Variants in GALNT14 observed in about 807,000 individuals in gnomAD.
GALNT14 encodes polypeptide N-acetylgalactosaminyltransferase 14.
GALNT14 carries 60 observed loss-of-function variants against 77.5 expected under a neutral mutation model. The ratio of observed to expected loss-of-function variants is 0.77; its 90% CI spans 0.63 to 0.96. The LOEUF (loss-of-function observed/expected upper bound fraction) is 0.96, where lower values mean the gene tolerates loss of function less well. Ranked by LOEUF, GALNT14 falls within the 40% of genes least tolerant of loss-of-function variation. The pLI, the probability that GALNT14 is intolerant of heterozygous loss-of-function variation, is 0.00. For missense variants in GALNT14, 710 were observed against 731.0 expected (o/e 0.97, Z 0.33); for synonymous variants, 280 against 281.7 (o/e 0.99, Z 0.06).
At chr2:30,931,527 G>T (rs1665726306) in intron 10 of GALNT14, among the ~76,000 whole-genome samples, 1 of 152,136 alleles carries the variant, frequency 6.6e-6, no homozygotes, top group South Asian at 2.1e-4. Flanking sequence ...CCCCAGACAG[G>T]AGGAGAGCAC....
intron 1 of GALNT14, chr2:31,073,194 A>T (rs1353972233): frequency 6.6e-6 from 1 of 152,208 alleles, no homozygotes; most frequent in Non-Finnish European, 1.5e-5. Flanking sequence ...TGGGAATATG[A>T]AAAGGGACTC....
intron 10 of GALNT14, among the ~76,000 whole-genome samples, chr2:30,930,288 A>C (rs952039669): frequency 6.6e-6 from 1 of 152,200 alleles, no homozygotes; most frequent in Non-Finnish European, 1.5e-5. Flanking sequence ...CCTTTACCAC[A>C]GTGGAAGTAC....
chr2:30,945,801 C>T lies in GALNT14; in HGVS notation c.724G>A (p.Ala242Thr). ...AACTCACCCCCTCTGAGCTCCGAGG[C>T]AGACTCGATGTAGGTGAAGGTGTCC... Reference protein sequence around the residue: ...NLDTFTYIESASELRGGFDWS... With the variant: ...NLDTFTYIESTSELRGGFDWS... The change falls in exon 7 of 15, where the codon GCC becomes ACC. Residue 242 changes from alanine to threonine, a missense_variant. Transcript: ENST00000349752. 6.2e-7 allele frequency: 1 copy of T among 1,614,144 alleles called. No individual in the cohort carries two copies. The highest frequency in any genetic ancestry group is 8.5e-7 in the Non-Finnish European group (1 of 1,179,976).
At chr2:31,083,494 A>C (rs1676259164) in intron 1 of GALNT14, among the ~76,000 whole-genome samples, 1 of 152,126 alleles carries the variant, frequency 6.6e-6, no homozygotes, top group Admixed American at 6.6e-5. Context: ...GAAGAGGAGG[A>C]GGGTGAGGAA....
intron 1 of GALNT14, among the ~76,000 whole-genome samples, chr2:31,027,430 A>AT (rs1348363802): frequency 3.6e-5 from 5 of 139,778 alleles, no homozygotes; most frequent in African/African-American, 1.6e-4. Context: ...AACAAAGCAA[A>AT]AAAAAAAAAA....
chr2:30,992,797 T>C (rs760547878), intron 2 of GALNT14, 41 bp downstream of exon 2: 46 of 1,601,872 alleles, frequency 2.9e-5, no homozygotes, highest in Non-Finnish European at 3.9e-5. Context: ...GTTGATCTCT[T>C]TTGACTGCGG....
chr2:31,115,083 C>T (rs1391522340), intron 1 of GALNT14, among the ~76,000 whole-genome samples: 2 of 151,774 alleles, frequency 1.3e-5, no homozygotes, highest in African/African-American at 2.4e-5. Context: ...CCCATCTCTA[C>T]TAAATAAATA....
rs201313795 is a variant in GALNT14, at chr2:30,924,737, T to A, written c.1235+3A>T. The stretch of plus-strand genomic sequence containing the variant: ...CCAAAGCTCCAACAGGTAGGACGGA[T>A]ACCTGAGTTCAGGGTAGATATTCTC... On this transcript the variant is annotated splice_donor_region_variant and intron_variant, in intron 12 of 14. Transcript: ENST00000349752. 6.2e-7 allele frequency: 1 copy of A among 1,613,572 alleles called. No individual in the cohort carries two copies.
intron 1 of GALNT14, among the ~76,000 whole-genome samples, chr2:31,074,397 T>C (rs2148570762): frequency 8.6e-6 from 1 of 116,736 alleles, no homozygotes; most frequent in Middle Eastern, 4.7e-3. Flanking sequence ...CCCCCGTGCA[T>C]CTTTGGGGGA....
intron 9 of GALNT14, among the ~76,000 whole-genome samples, chr2:30,939,955 C>G (rs1017860490): frequency 6.6e-6 from 1 of 150,606 alleles, no homozygotes; most frequent in African/African-American, 2.4e-5. Flanking sequence ...CCACGTGACA[C>G]AGCCACCACT....
chr2:31,129,316 G>A lies in GALNT14; in HGVS notation c.129+8642C>T, dbSNP rs564540084. The stretch of plus-strand genomic sequence containing the variant: ...GTAAGGATCAAATGAGGCAACTGTG[G>A]ATATAAATGCTTTGTAAACTGTAAA... On this transcript the variant is annotated intron_variant, in intron 1 of 14. Transcript: ENST00000349752. 13 of 913,838 alleles carry A rather than the reference G, an allele frequency of 1.4e-5. No individual in the cohort carries two copies. In the African/African-American group the frequency reaches 2.1e-4, roughly 15 times the overall value. 56.6% of individuals were successfully genotyped at this position (913,838 alleles called of 1,614,324 possible).
intron 6 of GALNT14, among the ~76,000 whole-genome samples, chr2:30,953,166 G>T (rs1667140520): frequency 3.3e-5 from 5 of 152,072 alleles, no homozygotes; most frequent in Admixed American, 3.3e-4. Context: ...CTGGCCCTAG[G>T]GTAGTGTCAA....
chr2:31,011,375 G>A (rs897107983), intron 1 of GALNT14, among the ~76,000 whole-genome samples: 8 of 152,160 alleles, frequency 5.3e-5, no homozygotes, highest in African/African-American at 1.9e-4. Context: ...TTTTAGATCT[G>A]GCCTCCACAA....
intron 2 of GALNT14, among the ~76,000 whole-genome samples, chr2:30,968,038 A>G (rs1322647188): frequency 6.6e-6 from 1 of 152,122 alleles, no homozygotes; most frequent in Non-Finnish European, 1.5e-5. Flanking sequence ...TACTCCCCCA[A>G]ATAGGTAAGG....
intron 10 of GALNT14, among the ~76,000 whole-genome samples, chr2:30,930,689 A>C (rs1665672155): frequency 6.6e-6 from 1 of 152,240 alleles, no homozygotes; most frequent in African/African-American, 2.4e-5. Context: ...TTTAGAGCAG[A>C]AGCATTCAAG....
At chr2:31,050,351 G>A (rs1042818559) in intron 1 of GALNT14, among the ~76,000 whole-genome samples, 5 of 152,174 alleles carry the variant, frequency 3.3e-5, no homozygotes, top group Non-Finnish European at 7.3e-5. Flanking sequence ...CACGTAAGAA[G>A]GTAGAGAGCC....
intron 1 of GALNT14, among the ~76,000 whole-genome samples, chr2:31,107,501 T>C (rs1677615514): frequency 6.6e-6 from 1 of 152,200 alleles, no homozygotes; most frequent in African/African-American, 2.4e-5. Flanking sequence ...TTTCGGAGTT[T>C]TCTATTGTTC....
At chr2:31,013,738 G>T (rs1671178657) in intron 1 of GALNT14, among the ~76,000 whole-genome samples, 1 of 152,156 alleles carries the variant, frequency 6.6e-6, no homozygotes, top group Admixed American at 6.5e-5. Context: ...TGCCATTTCT[G>T]CTTTATATAT....
At chr2:31,094,232 A>G (rs548870001) in intron 1 of GALNT14, among the ~76,000 whole-genome samples, 1 of 152,238 alleles carries the variant, frequency 6.6e-6, no homozygotes, top group African/African-American at 2.4e-5. Flanking sequence ...GTTCTTTGTA[A>G]TTCTCCCCAC....
Sources: gnomAD v4.1 joint callset for allele counts (sites outside exome capture counted in the v4.1 genomes callset) on GRCh38, gnomAD v4.1.1 for gene constraint, MANE v1.5 for transcripts, NCBI Gene and HGNC (gene_info 2026-07-23, HGNC 2026-07-21) for gene names.